Variants in SLC39A14 observed in about 807,000 individuals in gnomAD.
SLC39A14 encodes the protein metal cation symporter ZIP14.
Under a neutral mutation model 45.5 loss-of-function variants are expected in SLC39A14, and 19 were observed. That is an observed-to-expected ratio of 0.42 (90% CI 0.29 to 0.61). The LOEUF (loss-of-function observed/expected upper bound fraction) is 0.61, where lower values mean the gene tolerates loss of function less well. SLC39A14 is among the 20% of genes least tolerant of loss of function. The probability of loss-of-function intolerance (pLI) is 0.22; values close to 1 mark genes in which losing one functional copy is unlikely to be tolerated. For synonymous variants in SLC39A14, 264 were observed against 251.3 expected (o/e 1.05, Z -0.48); for missense variants, 447 against 616.5 (o/e 0.73, Z 2.91).
rs953875147 is a variant in SLC39A14 at position 22,419,914 on chromosome 8, C to T, written c.*216C>T. Reference sequence around the variant, plus strand: ...CAGTCTCTAGCTAGTGCCTCTTGCCCTCTCCTCACCTCCTTTTCTCTCAGT... The same window carrying T: ...CAGTCTCTAGCTAGTGCCTCTTGCCTTCTCCTCACCTCCTTTTCTCTCAGT... On this transcript the variant is annotated 3_prime_UTR_variant, in exon 9 of 9. Transcript: ENST00000381237. The T allele has an allele frequency of 1.4e-5, 18 of 1,247,994 alleles. No individual in the cohort carries two copies. In the South Asian group the frequency reaches 5.5e-4, roughly 38 times the overall value. 77.3% of individuals were successfully genotyped at this position (1,247,994 alleles called of 1,614,324 possible). A position where few individuals can be genotyped will look rare whatever the true frequency, so the allele number is the denominator to read the frequency against.
At chr8:22,433,905 T>C (rs762685076) in exon 9 of SLC39A14, 1 of 401,332 alleles carries the variant, frequency 2.5e-6, no homozygotes, top group South Asian at 1.8e-5. Context: ...AGTTTTGCTC[T>C]GTTGCCCAGG....
intron 1 of SLC39A14, among the ~76,000 whole-genome samples, chr8:22,368,394 A>G (rs1832748700): frequency 6.6e-6 from 1 of 152,098 alleles, no homozygotes; most frequent in South Asian, 2.1e-4. Context: ...TCTGCTCTTA[A>G]CTGGCCCTGT....
rs1160475814 is a variant in SLC39A14 at position 22,420,904 on chromosome 8, A to T, written c.*1206A>T. 1 of 985,608 alleles carries T rather than the reference A, an allele frequency of 1.0e-6. No individual in the cohort carries two copies. Among genetic ancestry groups the T allele is most frequent in the East Asian group, 1.1e-4 (1 of 8,826 alleles). The allele number at this position is 985,608 out of a possible 1,614,324, so 61.1% of individuals were successfully genotyped here. A position where few individuals can be genotyped will look rare whatever the true frequency, so the allele number is the denominator to read the frequency against. ...TCTAGGTTACTGCTTCCTTGCAAAA[A>T]AAGTCGAATCCTGCATTGAATTGAA... On this transcript the variant is annotated 3_prime_UTR_variant, in exon 9 of 9. Transcript: ENST00000381237.
chr8:22,423,320 TTTG>T (rs1000201609), downstream of SLC39A14, among the ~76,000 whole-genome samples: 18 of 148,852 alleles, frequency 1.2e-4, no homozygotes, highest in South Asian at 4.4e-4. Context: ...ATTTTTGAAT[TTTG>T]TTGTTGTTGT....
At chr8:22,371,765 G>T (rs1832949399) in intron 1 of SLC39A14, among the ~76,000 whole-genome samples, 3 of 129,026 alleles carry the variant, frequency 2.3e-5, no homozygotes, top group Non-Finnish European at 4.8e-5. Flanking sequence ...TTTTTTTTGA[G>T]ACGGAGCCTT....
intron 8 of SLC39A14, among the ~76,000 whole-genome samples, chr8:22,430,642 A>T (rs1836451902): frequency 6.6e-6 from 1 of 152,098 alleles, no homozygotes; most frequent in Non-Finnish European, 1.5e-5. Flanking sequence ...AGTCACAAGC[A>T]GGAAGTGACG....
chr8:22,388,346 A>G (rs1833892568), intron 1 of SLC39A14, among the ~76,000 whole-genome samples: 1 of 152,100 alleles, frequency 6.6e-6, no homozygotes, highest in South Asian at 2.1e-4. Context: ...GGGACTTCCT[A>G]GTCCTGTGGC....
At chr8:22,382,681 AAAAT>A (rs368189397) in intron 1 of SLC39A14, among the ~76,000 whole-genome samples, 3 of 152,208 alleles carry the variant, frequency 2.0e-5, no homozygotes, top group African/African-American at 4.8e-5. Context: ...TCTATTTAAA[AAAAT>A]AAATAAATAA....
intron 4 of SLC39A14, among the ~76,000 whole-genome samples, chr8:22,414,062 C>T (rs971652898): frequency 2.6e-5 from 4 of 152,030 alleles, no homozygotes; most frequent in African/African-American, 4.8e-5. Context: ...CCACCGTGCC[C>T]GGCCAGGTCA....
intron 1 of SLC39A14, among the ~76,000 whole-genome samples, chr8:22,385,093 A>C (rs1245987686): frequency 6.6e-6 from 1 of 152,040 alleles, no homozygotes; most frequent in Non-Finnish European, 1.5e-5. Context: ...AACAAACAAA[A>C]AAACTCCACC....
chr8:22,406,159 G>T (rs1236915229), intron 2 of SLC39A14, among the ~76,000 whole-genome samples: 2 of 152,126 alleles, frequency 1.3e-5, no homozygotes, highest in African/African-American at 4.8e-5. Flanking sequence ...AGATAAAATG[G>T]ACGGGGGTGC....
intron 3 of SLC39A14, among the ~76,000 whole-genome samples, chr8:22,408,921 A>T (rs1835394453): frequency 6.6e-6 from 1 of 150,742 alleles, no homozygotes; most frequent in African/African-American, 2.4e-5. Context: ...TTTGGCCTGA[A>T]GTGACCCTCC....
chr8:22,386,811 T>C (rs1380608281), intron 1 of SLC39A14, among the ~76,000 whole-genome samples: 1 of 152,192 alleles, frequency 6.6e-6, no homozygotes, highest in African/African-American at 2.4e-5. Context: ...TACAATGCAG[T>C]GTCTTCAGAT....
Position 22,415,765 on chromosome 8 carries a change from C to A in SLC39A14, c.751-4C>A, listed in dbSNP as rs140164699. ...ATGCTGATCCCTCCCTGTCACCCTT[C>A]CAGCATCATCATGGACACAGCCATT... On this transcript the variant is annotated splice_polypyrimidine_tract_variant and splice_region_variant and intron_variant, in intron 5 of 8. Transcript: ENST00000381237. 5.8e-3 allele frequency: 9,324 copies of A among 1,607,714 alleles called. 33 individuals carry two copies. The highest frequency in any genetic ancestry group is 7.1e-3 in the Non-Finnish European group (8,424 of 1,178,494).
chr8:22,384,018 C>T (rs1358322315), intron 1 of SLC39A14, among the ~76,000 whole-genome samples: 1 of 152,148 alleles, frequency 6.6e-6, no homozygotes, highest in Non-Finnish European at 1.5e-5. Flanking sequence ...AGTTCCTGTT[C>T]CCAGCTCCTC....
chr8:22,409,404 CAG>C, intron 3 of SLC39A14, among the ~76,000 whole-genome samples: 1 of 151,586 alleles, frequency 6.6e-6, no homozygotes, highest in Non-Finnish European at 1.5e-5. Flanking sequence ...TGTTTTGAGA[CAG>C]ACTTTCGCTC....
chr8:22,372,917 T>TA (rs1405697593), intron 1 of SLC39A14, among the ~76,000 whole-genome samples: 4 of 152,024 alleles, frequency 2.6e-5, no homozygotes, highest in Non-Finnish European at 4.4e-5. Flanking sequence ...TTAAAATAGT[T>TA]ATTTATTCAT....
rs1187886292 is a variant in SLC39A14, at chr8:22,414,811, A to G, written c.659A>G (p.Tyr220Cys). 2 of 1,611,560 alleles carry G rather than the reference A, an allele frequency of 1.2e-6. No homozygotes were observed. The highest frequency in any genetic ancestry group is 1.3e-5 in the African/African-American group (1 of 74,844). ...GGTTTCAACCCTCTGGAAGATTATT[A>G]TGTCTCCAAGTCTGCAGTGGTGTTT... ...AFGFNPLEDY[Y>C]VSKSAVVFGG... Residue 220 changes from tyrosine to cysteine, a missense_variant, in exon 5 of 9, where the codon TAT becomes TGT. Physicochemically the swap from Tyr to Cys is radical, Grantham distance 194 (BLOSUM62 -2). This residue lies in a region of SLC39A14 where 342 missense variants were observed against 428.1 expected (regional missense o/e 0.80). Coordinates refer to ENST00000381237, the MANE Select transcript of SLC39A14 (RefSeq NM_001128431.4).
chr8:22,411,723 C>CG (rs1835579942), intron 3 of SLC39A14, among the ~76,000 whole-genome samples: 1 of 152,298 alleles, frequency 6.6e-6, no homozygotes, highest in African/African-American at 2.4e-5. Flanking sequence ...CTGGCAGGAA[C>CG]GATTTGGGGC....
Sources: gnomAD v4.1 joint callset for allele counts (sites outside exome capture counted in the v4.1 genomes callset) on GRCh38, gnomAD v4.1.1 for gene constraint, gnomAD v4.1.1 regional missense constraint, MANE v1.5 for transcripts, NCBI Gene and HGNC (gene_info 2026-07-23, HGNC 2026-07-21) for gene names.